Variants in KLHL32 observed in about 807,000 individuals in gnomAD.
The protein encoded by KLHL32 is kelch like family member 32.
KLHL32 carries 35 observed loss-of-function variants against 64.8 expected under a neutral mutation model. The observed-to-expected ratio is 0.54, with a 90% CI of 0.41 to 0.72. The LOEUF (loss-of-function observed/expected upper bound fraction) is 0.72, where lower values mean the gene tolerates loss of function less well. Among genes scored for constraint, KLHL32 ranks in the 30% least tolerant of loss-of-function variants. KLHL32 has a pLI of 0.00. For missense variants in KLHL32, 589 were observed against 768.5 expected, an observed-to-expected ratio of 0.77 and a Z score of 2.76; for synonymous variants, 259 against 281.0, an observed-to-expected ratio of 0.92 and a Z score of 0.78.
chr6:97,113,962 G>C lies in KLHL32; in HGVS notation c.807G>C (p.Gln269His), dbSNP rs1418013321. Residue 269 changes from glutamine to histidine, a missense_variant, in exon 7 of 11, where the codon CAG becomes CAC. By Grantham distance (24) the Gln-to-His change is conservative (BLOSUM62 0). Around this residue, in one of 3 missense-constraint regions of KLHL32, gnomAD observed 226 missense variants for 353.2 expected, o/e 0.64. Coordinates refer to ENST00000369261, the MANE Select transcript of KLHL32 (RefSeq NM_052904.4). The part of the protein sequence containing the change: ...ALVNEALEYH[Q>H]SIYAQPVWQT... ...TCAACGAGGCCCTGGAATACCACCAGAGCATCTATGCACAGCCTGTCTGGC... is the reference window on the plus strand; with the variant it reads ...TCAACGAGGCCCTGGAATACCACCACAGCATCTATGCACAGCCTGTCTGGC... 1.2e-6 allele frequency: 2 copies of C among 1,614,082 alleles called. No individual in the cohort carries two copies. The highest frequency in any genetic ancestry group is 1.7e-6 in the Non-Finnish European group (2 of 1,180,042).
In KLHL32 at chr6:96,984,577, A is replaced by G. The variant is rs183179554; in HGVS notation, c.204+8400A>G. ...GGGTGCTCCTGTATTGGGTGCATAT[A>G]TATTTAGGATAGTTAGCTCTTCTTG... is the stretch of plus-strand genomic sequence containing the variant. On this transcript the variant is annotated intron_variant, in intron 3 of 10. Coordinates refer to ENST00000369261, the MANE Select transcript of KLHL32 (RefSeq NM_052904.4). Among the ~76,000 whole-genome samples the G allele has an allele frequency of 9.1e-3, 1,384 of 152,306 alleles. 24 individuals are homozygous for G. The highest frequency in any genetic ancestry group is 0.032 in the African/African-American group (1,330 of 41,554).
intron 4 of KLHL32, among the ~76,000 whole-genome samples, chr6:97,054,816 G>A (rs1787534518): frequency 6.6e-6 from 1 of 152,188 alleles, no homozygotes; most frequent in Non-Finnish European, 1.5e-5. Flanking sequence ...AATACAGCCT[G>A]TACTCCCGGC....
At chr6:96,955,945 A>G (rs1278390415) in intron 1 of KLHL32, among the ~76,000 whole-genome samples, 1 of 152,182 alleles carries the variant, frequency 6.6e-6, no homozygotes, top group African/African-American at 2.4e-5. Flanking sequence ...TCAAACAACA[A>G]TAACAACAAA....
At chr6:97,117,119 T>A (rs1797877755) in intron 7 of KLHL32, among the ~76,000 whole-genome samples, 1 of 152,152 alleles carries the variant, frequency 6.6e-6, no homozygotes, top group Admixed American at 6.5e-5. Flanking sequence ...AATCTAAACA[T>A]GAATAGGGAG....
At chr6:97,044,226 T>G (rs1785576287) in intron 4 of KLHL32, among the ~76,000 whole-genome samples, 1 of 152,182 alleles carries the variant, frequency 6.6e-6, no homozygotes, top group African/African-American at 2.4e-5. Flanking sequence ...GTCAAATGCT[T>G]TTTCTGAATC....
chr6:96,901,742 G>A, the KLHL32 span, among the ~76,000 whole-genome samples: 8 of 152,072 alleles, frequency 5.3e-5, no homozygotes, highest in East Asian at 1.9e-4. Flanking sequence ...CCCACCCTCC[G>A]ACCTCCAACA....
chr6:97,022,945 C>T (rs1255755651), intron 3 of KLHL32, among the ~76,000 whole-genome samples: 1 of 152,176 alleles, frequency 6.6e-6, no homozygotes, highest in Non-Finnish European at 1.5e-5. Flanking sequence ...AGGAGGCAAG[C>T]ACTTTCTTCA....
At chr6:96,927,344 A>G (rs1769288143) in intron 1 of KLHL32, among the ~76,000 whole-genome samples, 2 of 152,254 alleles carry the variant, frequency 1.3e-5, no homozygotes, top group Non-Finnish European at 2.9e-5. Context: ...TTAGATAATT[A>G]GGTAAAACCC....
intron 6 of KLHL32, among the ~76,000 whole-genome samples, chr6:97,111,230 G>C (rs911190300): frequency 1.3e-5 from 2 of 152,196 alleles, no homozygotes; most frequent in Non-Finnish European, 2.9e-5. Context: ...AGAGAGAGAT[G>C]GCAGTGTTGC....
chr6:97,082,254 G>C (rs970433690), intron 5 of KLHL32, among the ~76,000 whole-genome samples: 1 of 152,142 alleles, frequency 6.6e-6, no homozygotes, highest in Non-Finnish European at 1.5e-5. Flanking sequence ...TTCTTGATGT[G>C]GGTGTCTAGA....
In KLHL32 at chr6:97,063,800, G is replaced by A. The variant is rs1172811671; in HGVS notation, c.313-828G>A. Among the ~76,000 whole-genome samples, 3 of 152,304 alleles carry A rather than the reference G, an allele frequency of 2.0e-5. No homozygotes were observed. The East Asian group carries it at 5.8e-4, about 29-fold the overall frequency. On this transcript the variant is annotated intron_variant, in intron 4 of 10. Coordinates refer to ENST00000369261, the MANE Select transcript of KLHL32 (RefSeq NM_052904.4). ...AGAGACCAGATTCAGGAAGCACTGG[G>A]CTGGGGAAATGGGTTAGAATGGAGG...
chr6:97,057,172 C>CTTTTTT lies in KLHL32; in HGVS notation c.313-7432_313-7427dup, dbSNP rs199552121. Among the ~76,000 whole-genome samples the CTTTTTT allele has an allele frequency of 7.1e-4, 46 of 64,994 alleles. 6 individuals carry two copies. Among genetic ancestry groups the CTTTTTT allele is most frequent in the African/African-American group, 2.1e-3 (24 of 11,318 alleles). The allele number at this position is 64,994 out of a possible 152,430, so 42.6% of individuals were successfully genotyped here. A position where few individuals can be genotyped will look rare whatever the true frequency, so the allele number is the denominator to read the frequency against. On this transcript the variant is annotated intron_variant, in intron 4 of 10. Coordinates refer to ENST00000369261, the MANE Select transcript of KLHL32 (RefSeq NM_052904.4). ...AAATGCAGTTTTCCTATGTGAGTAT[C>CTTTTTT]TTTTTTTTTTTTTTTTTTTTTTTTT... is the stretch of plus-strand genomic sequence containing the variant.
At chr6:97,080,828 C>G (rs1459138049) in intron 5 of KLHL32, among the ~76,000 whole-genome samples, 1 of 152,050 alleles carries the variant, frequency 6.6e-6, no homozygotes, top group Non-Finnish European at 1.5e-5. Flanking sequence ...TGGTGACAAG[C>G]TCTAAAACAA....
chr6:97,120,680 A>G (rs1278437712), intron 7 of KLHL32, among the ~76,000 whole-genome samples: 1 of 152,116 alleles, frequency 6.6e-6, no homozygotes, highest in Non-Finnish European at 1.5e-5. Context: ...TTGCGGGAGT[A>G]AGTAGTAAGA....
chr6:97,127,259 C>T lies in KLHL32; in HGVS notation c.1355-145C>T, dbSNP rs1798969208. On this transcript the variant is annotated intron_variant, in intron 7 of 10. Coordinates refer to ENST00000369261, the MANE Select transcript of KLHL32 (RefSeq NM_052904.4). ...ATGAAACTGCTTCAACAATAAGCTT[C>T]TTAATTATGTCATGGGCTCACCATG... The T allele has an allele frequency of 7.8e-6, 5 of 641,726 alleles. No homozygotes were observed. In the East Asian group the frequency reaches 1.4e-4, roughly 18 times the overall value. 39.8% of individuals were successfully genotyped at this position (641,726 alleles called of 1,614,324 possible). A position where few individuals can be genotyped will look rare whatever the true frequency, so the allele number is the denominator to read the frequency against.
intron 7 of KLHL32, among the ~76,000 whole-genome samples, chr6:97,116,321 A>T (rs1797804446): frequency 6.6e-6 from 1 of 152,180 alleles, no homozygotes; most frequent in Non-Finnish European, 1.5e-5. Flanking sequence ...GTTAATAACC[A>T]CCAAGACTAT....
At chr6:97,100,172 A>T (rs1045790438) in intron 6 of KLHL32, among the ~76,000 whole-genome samples, 1 of 152,036 alleles carries the variant, frequency 6.6e-6, no homozygotes, top group Non-Finnish European at 1.5e-5. Flanking sequence ...TATATATATA[A>T]ATTGTGTGTA....
chr6:97,061,847 T>G lies in KLHL32; in HGVS notation c.313-2781T>G, dbSNP rs528690121. Among the ~76,000 whole-genome samples, 30 of 152,266 alleles carry G rather than the reference T, an allele frequency of 2.0e-4. No homozygotes were observed. The South Asian group carries it at 6.2e-3, about 32-fold the overall frequency. On this transcript the variant is annotated intron_variant, in intron 4 of 10. Coordinates refer to ENST00000369261, the MANE Select transcript of KLHL32 (RefSeq NM_052904.4). ...GATTTCATTGCTGGCCAAACACAAA[T>G]TCCCTGGAAAAATATATTCGAACAG... is the stretch of plus-strand genomic sequence containing the variant.
At chr6:96,997,923 G>A (rs944002073) in intron 3 of KLHL32, among the ~76,000 whole-genome samples, 12 of 152,190 alleles carry the variant, frequency 7.9e-5, no homozygotes, top group Non-Finnish European at 1.5e-4. Flanking sequence ...TTGGATTCAT[G>A]TTGTTTCCTA....
Sources: gnomAD v4.1 joint callset for allele counts (sites outside exome capture counted in the v4.1 genomes callset) on GRCh38, gnomAD v4.1.1 for gene constraint, gnomAD v4.1.1 regional missense constraint, MANE v1.5 for transcripts, NCBI Gene and HGNC (gene_info 2026-07-23, HGNC 2026-07-21) for gene names.